SLC25A13: variants seen among roughly 807,000 people sequenced by gnomAD.
The protein encoded by SLC25A13 is solute carrier family 25 member 13.
Under a neutral mutation model 85.5 loss-of-function variants are expected in SLC25A13, and 70 were observed. That is an observed-to-expected ratio of 0.82 (90% CI 0.68 to 1.00). The LOEUF (loss-of-function observed/expected upper bound fraction) is 1.00. Among genes scored for constraint, SLC25A13 ranks in the 50% least tolerant of loss-of-function variants. The pLI, the probability that SLC25A13 is intolerant of heterozygous loss-of-function variation, is 0.00. For missense variants in SLC25A13, 765 were observed against 819.8 expected (o/e 0.93, Z 0.82); for synonymous variants, 259 against 288.7 (o/e 0.90, Z 1.04).
intron 3 of SLC25A13, among the ~76,000 whole-genome samples, chr7:96,236,904 TG>T (rs1312682128): frequency 6.6e-6 from 1 of 152,230 alleles, no homozygotes; most frequent in Non-Finnish European, 1.5e-5. Context: ...CATAGCTGAC[TG>T]GAGTCTGGGC....
rs1374959493 is a variant in SLC25A13, at chr7:96,181,432, A to T, written c.1177+2845T>A. ...AAAACTTGTGGTGGAGCACTACAAG[A>T]GTTCTTTTAAAATAACCTTCATTCT... On this transcript the variant is annotated intron_variant, in intron 11 of 17. Transcript: ENST00000265631. Among the ~76,000 whole-genome samples, 3 of 152,236 alleles carry T rather than the reference A, an allele frequency of 2.0e-5. No individual in the cohort carries two copies. In the East Asian group the frequency reaches 5.8e-4, roughly 29 times the overall value.
At chr7:96,130,653 T>G (rs1160979081) in intron 15 of SLC25A13, among the ~76,000 whole-genome samples, 1 of 152,206 alleles carries the variant, frequency 6.6e-6, no homozygotes, top group African/African-American at 2.4e-5. Context: ...AAATTACATA[T>G]AGGCCACCAT....
chr7:96,205,447 A>G (rs895385767), intron 5 of SLC25A13, among the ~76,000 whole-genome samples: 3 of 152,200 alleles, frequency 2.0e-5, no homozygotes, highest in African/African-American at 7.2e-5. Flanking sequence ...ATCATTCATG[A>G]AGTTATATGG....
intron 1 of SLC25A13, among the ~76,000 whole-genome samples, chr7:96,318,906 C>A (rs1017188947): frequency 1.3e-5 from 2 of 152,194 alleles, no homozygotes; most frequent in African/African-American, 4.8e-5. Flanking sequence ...CCTCTCCTAT[C>A]CAGGCTCCTC....
chr7:96,315,747 TTATGA>T (rs1162257271), intron 1 of SLC25A13, among the ~76,000 whole-genome samples: 2 of 152,220 alleles, frequency 1.3e-5, no homozygotes, highest in Admixed American at 1.3e-4. Context: ...ATTTGTTTTA[TTATGA>T]TATCACCAAA....
intron 14 of SLC25A13, among the ~76,000 whole-genome samples, chr7:96,136,135 C>CA (rs1201810860): frequency 6.6e-6 from 1 of 152,164 alleles, no homozygotes; most frequent in Non-Finnish European, 1.5e-5. Context: ...GTTTAATTAT[C>CA]AACTCTGCCT....
chr7:96,244,031 A>G (rs1797090035), intron 3 of SLC25A13, among the ~76,000 whole-genome samples: 1 of 152,190 alleles, frequency 6.6e-6, no homozygotes, highest in African/African-American at 2.4e-5. Flanking sequence ...CCCAGTTAGA[A>G]GCGGCTACAG....
At chr7:96,178,863 G>A (rs1188417097) in intron 11 of SLC25A13, among the ~76,000 whole-genome samples, 2 of 152,006 alleles carry the variant, frequency 1.3e-5, no homozygotes, top group Non-Finnish European at 2.9e-5. Flanking sequence ...CTACACTATC[G>A]CCTTTCAAAG....
chr7:96,296,717 G>A (rs1382645215), intron 2 of SLC25A13, among the ~76,000 whole-genome samples, 181 bp downstream of exon 2: 1 of 152,120 alleles, frequency 6.6e-6, no homozygotes, highest in African/African-American at 2.4e-5. Flanking sequence ...CTGACCTCAG[G>A]GGATCCACCC....
chr7:96,216,141 G>A (rs2116742120), intron 4 of SLC25A13, among the ~76,000 whole-genome samples: 1 of 150,598 alleles, frequency 6.6e-6, no homozygotes, highest in African/African-American at 2.4e-5. Context: ...GGGCGACAGA[G>A]AGAGACTGTC....
chr7:96,232,012 T>A (rs938655082), intron 4 of SLC25A13, among the ~76,000 whole-genome samples: 26 of 152,180 alleles, frequency 1.7e-4, no homozygotes, highest in African/African-American at 5.5e-4. Context: ...TCAACCACTG[T>A]GGAAAACAGT....
intron 13 of SLC25A13, among the ~76,000 whole-genome samples, chr7:96,162,512 T>TAC: frequency 6.6e-6 from 1 of 152,130 alleles, no homozygotes; most frequent in Non-Finnish European, 1.5e-5. Context: ...GCCATATGTA[T>TAC]GGCCTGGCGC....
At chr7:96,208,529 G>A (rs1180846460) in intron 5 of SLC25A13, among the ~76,000 whole-genome samples, 23 of 145,052 alleles carry the variant, frequency 1.6e-4, no homozygotes, top group African/African-American at 5.1e-4. Context: ...TTTTTGAGAC[G>A]GAGTCTCGCT....
chr7:96,134,936 G>A (rs1329053102), intron 14 of SLC25A13, among the ~76,000 whole-genome samples: 3 of 151,732 alleles, frequency 2.0e-5, no homozygotes, highest in Non-Finnish European at 4.4e-5. Flanking sequence ...CAAATGTTAG[G>A]ATATGCAAGA....
intron 2 of SLC25A13, among the ~76,000 whole-genome samples, chr7:96,294,926 C>G (rs1233150554): frequency 6.6e-6 from 1 of 152,234 alleles, no homozygotes; most frequent in Non-Finnish European, 1.5e-5. Flanking sequence ...CTTTTGGAGT[C>G]TTTATTTCTC....
intron 13 of SLC25A13, among the ~76,000 whole-genome samples, chr7:96,158,249 C>T (rs1190450280): frequency 1.3e-5 from 2 of 152,124 alleles, no homozygotes; most frequent in African/African-American, 4.8e-5. Context: ...AAATACAAGC[C>T]TTCTTACGCC....
chr7:96,134,792 T>TA (rs1411746094), intron 14 of SLC25A13, among the ~76,000 whole-genome samples: 6 of 137,840 alleles, frequency 4.4e-5, no homozygotes, highest in South Asian at 2.4e-4. Flanking sequence ...TACAAACAAT[T>TA]TTATATATAT....
chr7:96,205,498 T>C (rs1177729572), intron 5 of SLC25A13, among the ~76,000 whole-genome samples: 2 of 152,150 alleles, frequency 1.3e-5, no homozygotes, highest in Non-Finnish European at 2.9e-5. Context: ...CAGCAACAGA[T>C]GTAACAGTAT....
At chr7:96,220,764 A>C (rs1394620450) in intron 4 of SLC25A13, among the ~76,000 whole-genome samples, 1 of 152,060 alleles carries the variant, frequency 6.6e-6, no homozygotes, top group African/African-American at 2.4e-5. Context: ...CATGCACATG[A>C]ACATGCACAT....
Sources: gnomAD v4.1 joint callset for allele counts (sites outside exome capture counted in the v4.1 genomes callset) on GRCh38, gnomAD v4.1.1 for gene constraint, MANE v1.5 for transcripts, NCBI Gene and HGNC (gene_info 2026-07-23, HGNC 2026-07-21) for gene names.